Variants in TNKS observed in about 807,000 individuals in gnomAD.
TNKS encodes tankyrase, also known as poly [ADP-ribose] polymerase tankyrase-1.
A neutral mutation model predicts 135.8 loss-of-function variants in TNKS; 72 were observed. That is an observed-to-expected ratio of 0.53 (90% CI 0.44 to 0.64). The LOEUF (loss-of-function observed/expected upper bound fraction) is 0.64. Among genes scored for constraint, TNKS ranks in the 30% least tolerant of loss-of-function variants. The pLI, the probability that TNKS is intolerant of heterozygous loss-of-function variation, is 0.00. For missense variants in TNKS, 1,769 were observed against 1,674.0 expected (o/e 1.06, Z -0.99); for synonymous variants, 849 against 649.3 (o/e 1.31, Z -4.68).
chr8:9,609,267 C>G (rs1021867058), intron 2 of TNKS, among the ~76,000 whole-genome samples: 4 of 152,142 alleles, frequency 2.6e-5, no homozygotes, highest in Non-Finnish European at 5.9e-5. Flanking sequence ...ATTATCTTGG[C>G]TGTGCACTGG....
rs1393012974 is a variant in TNKS, at chr8:9,603,239, G to T, written c.899-12343G>T. ...AGCTACTTTTTTTATTTTGGGTAGA[G>T]ACAGGTTTTCACCATGTTGACCAGG... On this transcript the variant is annotated intron_variant, in intron 2 of 26. Transcript: ENST00000310430. Among the ~76,000 whole-genome samples, 2 of 152,060 alleles carry T rather than the reference G, an allele frequency of 1.3e-5. 1 individual carries two copies. Among genetic ancestry groups the T allele is most frequent in the East Asian group, 3.9e-4 (2 of 5,184 alleles).
chr8:9,616,246 A>C lies in TNKS; in HGVS notation c.994+569A>C, dbSNP rs193057346. 5.9e-5 allele frequency among the ~76,000 whole-genome samples: 9 copies of C among 152,336 alleles called. No homozygotes were observed. In the East Asian group the frequency reaches 1.5e-3, roughly 26 times the overall value. On this transcript the variant is annotated intron_variant, in intron 3 of 26. Transcript: ENST00000310430. ...TTGTGGCTTAAATATTAGTTTTATT[A>C]AAGCAAATGCCAAGAACCAGCAAAG...
chr8:9,593,585 T>A (rs1242305751), intron 2 of TNKS, among the ~76,000 whole-genome samples: 1 of 152,186 alleles, frequency 6.6e-6, no homozygotes, highest in Non-Finnish European at 1.5e-5. Flanking sequence ...AAAACTAACC[T>A]GTCTACAAAA....
intron 2 of TNKS, among the ~76,000 whole-genome samples, chr8:9,611,429 T>G (rs1799458945): frequency 6.6e-6 from 1 of 152,242 alleles, no homozygotes; most frequent in African/African-American, 2.4e-5. Context: ...AAAAATAATA[T>G]GACACTGTAT....
chr8:9,750,384 C>G (rs940468032), intron 18 of TNKS, among the ~76,000 whole-genome samples: 3 of 152,190 alleles, frequency 2.0e-5, no homozygotes, highest in African/African-American at 7.2e-5. Context: ...TTCTCTCTTC[C>G]TGTACCTTAT....
chr8:9,749,426 G>C (rs1447112298), intron 18 of TNKS, among the ~76,000 whole-genome samples: 1 of 151,792 alleles, frequency 6.6e-6, no homozygotes, highest in Non-Finnish European at 1.5e-5. Flanking sequence ...TGCTCCCAGG[G>C]AGTGGTTCAC....
At chr8:9,632,633 C>T (rs1432360506) in intron 3 of TNKS, among the ~76,000 whole-genome samples, 2 of 152,182 alleles carry the variant, frequency 1.3e-5, no homozygotes, top group African/African-American at 4.8e-5. Context: ...ACTTAGCTGT[C>T]ACCTCTTTTC....
intron 2 of TNKS, among the ~76,000 whole-genome samples, chr8:9,603,917 G>T (rs1799117043): frequency 6.6e-6 from 1 of 152,028 alleles, no homozygotes; most frequent in South Asian, 2.1e-4. Context: ...AGAAGTCAAA[G>T]AACTTCAATG....
At chr8:9,581,122 C>T (rs1207184338) in intron 2 of TNKS, among the ~76,000 whole-genome samples, 1 of 152,046 alleles carries the variant, frequency 6.6e-6, no homozygotes, top group Non-Finnish European at 1.5e-5. Context: ...ATTGTCTTCC[C>T]AGATGTCATC....
At chr8:9,568,376 G>C (rs1020705627) in intron 1 of TNKS, among the ~76,000 whole-genome samples, 1 of 152,080 alleles carries the variant, frequency 6.6e-6, no homozygotes, top group Non-Finnish European at 1.5e-5. Flanking sequence ...TAAAAATGCA[G>C]TGTTTCTCAA....
chr8:9,649,614 C>A (rs1489507045), intron 3 of TNKS, among the ~76,000 whole-genome samples: 1 of 151,582 alleles, frequency 6.6e-6, no homozygotes, highest in African/African-American at 2.4e-5. Flanking sequence ...GTCTTTTATC[C>A]CTCATCCCCC....
At chr8:9,687,559 A>T (rs938921616) in intron 5 of TNKS, among the ~76,000 whole-genome samples, 1 of 152,220 alleles carries the variant, frequency 6.6e-6, no homozygotes, top group African/African-American at 2.4e-5. Flanking sequence ...TCTACTGGTA[A>T]GGGTAATTAG....
intron 11 of TNKS, among the ~76,000 whole-genome samples, chr8:9,715,537 C>A (rs1421504577): frequency 6.6e-6 from 1 of 151,974 alleles, no homozygotes; most frequent in African/African-American, 2.4e-5. Context: ...CCTCCCAGTA[C>A]CCCCCATCTC....
At chr8:9,688,808 T>C in intron 5 of TNKS, among the ~76,000 whole-genome samples, 1 of 151,962 alleles carries the variant, frequency 6.6e-6, no homozygotes, top group East Asian at 1.9e-4. Flanking sequence ...CCCAGCTAAT[T>C]TTTTGTATTT....
chr8:9,680,426 A>G lies in TNKS; in HGVS notation c.1032-299A>G, dbSNP rs12056945. Among the ~76,000 whole-genome samples the G allele has an allele frequency of 1.5e-3, 222 of 152,266 alleles. 4 individuals carry two copies. In the East Asian group the frequency reaches 0.04, roughly 27 times the overall value. Reference sequence around the variant, plus strand: ...CATTTTGTATGTATTTTTAACTCCAACGTTTTAGTCTATTTATCAGAATAA... The same window carrying G: ...CATTTTGTATGTATTTTTAACTCCAGCGTTTTAGTCTATTTATCAGAATAA... On this transcript the variant is annotated intron_variant, in intron 4 of 26. Coordinates refer to ENST00000310430, the MANE Select transcript of TNKS (RefSeq NM_003747.3).
At chr8:9,665,768 ACT>A (rs1195429538) in intron 3 of TNKS, among the ~76,000 whole-genome samples, 1 of 151,798 alleles carries the variant, frequency 6.6e-6, no homozygotes. Flanking sequence ...TCATGAATTC[ACT>A]CTCGTGAATT....
At chr8:9,670,393 G>A (rs751102632) in intron 3 of TNKS, among the ~76,000 whole-genome samples, 1 of 152,088 alleles carries the variant, frequency 6.6e-6, no homozygotes, top group Non-Finnish European at 1.5e-5. Context: ...GAAACCATTC[G>A]CCTGTATGTA....
intron 2 of TNKS, among the ~76,000 whole-genome samples, chr8:9,588,401 A>C (rs1186085168): frequency 6.6e-6 from 1 of 152,034 alleles, no homozygotes; most frequent in East Asian, 1.9e-4. Flanking sequence ...CAGCCTCCCG[A>C]GTAGCTGGGA....
At chr8:9,663,571 G>C (rs1801838942) in intron 3 of TNKS, among the ~76,000 whole-genome samples, 1 of 152,096 alleles carries the variant, frequency 6.6e-6, no homozygotes. Flanking sequence ...TGAGTTAAAG[G>C]CTCAGTCCCA....
Sources: gnomAD v4.1 joint callset for allele counts (sites outside exome capture counted in the v4.1 genomes callset) on GRCh38, gnomAD v4.1.1 for gene constraint, MANE v1.5 for transcripts, NCBI Gene and HGNC (gene_info 2026-07-23, HGNC 2026-07-21) for gene names.